DDX59: variants seen among roughly 807,000 people sequenced by gnomAD.
The protein encoded by DDX59 is DEAD-box helicase 59.
A neutral mutation model predicts 51.9 loss-of-function variants in DDX59; 30 were observed. The observed-to-expected ratio is 0.58, with a 90% confidence interval of 0.43 to 0.78. The LOEUF (loss-of-function observed/expected upper bound fraction) is 0.78. DDX59 is among the 30% of genes least tolerant of loss of function. The pLI, the probability that DDX59 is intolerant of heterozygous loss-of-function variation, is 0.00. For synonymous variants in DDX59, 255 were observed against 253.3 expected (o/e 1.01, Z -0.06); for missense variants, 672 against 730.8 (o/e 0.92, Z 0.93).
rs1662771622 is a variant in DDX59 at position 200,666,586 on chromosome 1, A to G, written c.155T>C (p.Ile52Thr). ...VDAVATEAATIDRHISESCPF... is the reference protein window; with the variant it reads ...VDAVATEAATTDRHISESCPF... Reference sequence around the variant, plus strand: ...GCATGATTCGCTGATGTGCCTGTCTATTGTGGCTGCTTCTGTAGCTACAGC... The same window carrying G: ...GCATGATTCGCTGATGTGCCTGTCTGTTGTGGCTGCTTCTGTAGCTACAGC... The change falls in exon 2 of 8, where the codon ATA becomes ACA. Residue 52 changes from isoleucine to threonine, a missense_variant. Physicochemically the swap from Ile to Thr is moderately conservative, Grantham distance 89. Transcript: ENST00000331314. The G allele has an allele frequency of 1.2e-6, 2 of 1,614,172 alleles. No homozygotes were observed. Among genetic ancestry groups the G allele is most frequent in the Non-Finnish European group, 1.7e-6 (2 of 1,180,032 alleles).
chr1:200,652,667 ATTTTTTT>A (rs10590500), intron 4 of DDX59, among the ~76,000 whole-genome samples: 2 of 117,136 alleles, frequency 1.7e-5, no homozygotes, highest in Admixed American at 8.7e-5. Context: ...CATAAAAAGC[ATTTTTTT>A]TTTTTTTTTT....
Position 200,644,108 on chromosome 1 carries a change from GAAAT to G in DDX59, c.*142_*145del. On this transcript the variant is annotated 3_prime_UTR_variant, in exon 8 of 8. Transcript: ENST00000331314. ...TGTTTTTAATTTATAAGAATTAAGG[GAAAT>G]AAATACAATATAGTTATATAAATTT... 3.1e-6 allele frequency: 2 copies of G among 645,140 alleles called. No individual in the cohort carries two copies. The highest frequency in any genetic ancestry group is 1.6e-4 in the South Asian group (2 of 12,900). The allele number at this position is 645,140 out of a possible 1,614,324, so 40.0% of individuals were successfully genotyped here.
intron 5 of DDX59, 102 bp downstream of exon 5, chr1:200,650,323 A>G (rs552386742): frequency 4.7e-6 from 6 of 1,274,604 alleles, no homozygotes; most frequent in South Asian, 3.4e-5. Flanking sequence ...GTAAATACCT[A>G]TATCAAATTC....
At chr1:200,645,669 C>CGT (rs1156866340) in intron 7 of DDX59, among the ~76,000 whole-genome samples, 1 of 152,158 alleles carries the variant, frequency 6.6e-6, no homozygotes, top group Non-Finnish European at 1.5e-5. Context: ...TACTAAGAAA[C>CGT]TCTTCAAAAG....
At chr1:200,659,185 G>C in intron 3 of DDX59, 69 bp from the exon 4 acceptor site, 1 of 1,229,468 alleles carries the variant, frequency 8.1e-7, no homozygotes, top group Non-Finnish European at 1.2e-6. Flanking sequence ...ATTCCATATT[G>C]ATTGAGCAAC....
At position 200,666,293 on chromosome 1, in the gene DDX59, T is replaced by G; in HGVS notation, c.448A>C (p.Asn150His). 1 of 1,614,248 alleles carries G rather than the reference T, an allele frequency of 6.2e-7. No homozygotes were observed. Among genetic ancestry groups the G allele is most frequent in the Non-Finnish European group, 8.5e-7 (1 of 1,180,048 alleles). ...GGCTCAGAATCAGCCTTCTGTGGAT[T>G]GCTGAGTTTTGATTTCTCTTCCTTT... is the stretch of plus-strand genomic sequence containing the variant. ...KEKEEKSKLS[N>H]PQKADSEPES... Residue 150 changes from asparagine to histidine, a missense_variant, in exon 2 of 8, where the codon AAT becomes CAT. Physicochemically the swap from Asn to His is moderately conservative, Grantham distance 68. Transcript: ENST00000331314.
intron 1 of DDX59, 49 bp from the exon 2 acceptor site, chr1:200,666,800 C>A: frequency 6.5e-7 from 1 of 1,539,162 alleles, no homozygotes; most frequent in Admixed American, 1.9e-5. Flanking sequence ...TAATAAAGTT[C>A]ACATATAAAG....
In DDX59 at chr1:200,650,409, C is replaced by G. The variant is rs778882910; in HGVS notation, c.1314+16G>C. ...AACACAATCCATAAAACATAGTTAA[C>G]TGCTTTACTACTCACATTTAAAATT... On this transcript the variant is annotated intron_variant, in intron 5 of 7. Transcript: ENST00000331314. 2 of 1,603,220 alleles carry G rather than the reference C, an allele frequency of 1.2e-6. No homozygotes were observed. The highest frequency in any genetic ancestry group is 1.7e-5 in the Admixed American group (1 of 59,158).
In DDX59 at chr1:200,644,202, A is replaced by T; in HGVS notation, c.*52T>A. 3 of 1,303,042 alleles carry T rather than the reference A, an allele frequency of 2.3e-6. No individual in the cohort carries two copies. Among genetic ancestry groups the T allele is most frequent in the East Asian group, 2.8e-5 (1 of 35,850 alleles). The allele number at this position is 1,303,042 out of a possible 1,614,324, so 80.7% of individuals were successfully genotyped here. On this transcript the variant is annotated 3_prime_UTR_variant, in exon 8 of 8. Transcript: ENST00000331314. ...TACATTTCCATTTATGCAAACCATA[A>T]TTTTTTGCTGACTATATACAATAAA... is the stretch of plus-strand genomic sequence containing the variant.
intron 1 of DDX59, among the ~76,000 whole-genome samples, chr1:200,667,611 A>G (rs1254157565): frequency 6.6e-6 from 1 of 152,206 alleles, no homozygotes; most frequent in African/African-American, 2.4e-5. Context: ...TATTATAGAA[A>G]TTCTGGGGTA....
At chr1:200,652,654 G>A (rs1283428576) in intron 4 of DDX59, among the ~76,000 whole-genome samples, 6 of 146,926 alleles carry the variant, frequency 4.1e-5, no homozygotes, top group East Asian at 2.0e-4. Flanking sequence ...ATGCAGAGTG[G>A]GCCATAAAAA....
At chr1:200,658,035 C>T (rs770472370) in intron 4 of DDX59, among the ~76,000 whole-genome samples, 4 of 152,198 alleles carry the variant, frequency 2.6e-5, no homozygotes, top group East Asian at 3.8e-4. Flanking sequence ...CTTGGTCTTG[C>T]GGGTACTGGC....
intron 3 of DDX59, among the ~76,000 whole-genome samples, chr1:200,661,075 C>A (rs181498654): frequency 6.6e-6 from 1 of 152,180 alleles, no homozygotes; most frequent in Admixed American, 6.5e-5. Flanking sequence ...GATTCCAGGG[C>A]TGGGGCAGGG....
chr1:200,650,594 A>G lies in DDX59; in HGVS notation c.1145T>C (p.Leu382Ser). Residue 382 changes from leucine (L) to serine (S), a missense_variant, in exon 5 of 8, where the codon TTG becomes TCG. Coordinates refer to ENST00000331314, the MANE Select transcript of DDX59 (RefSeq NM_001031725.6). ...GCTAGTTGGAATTGTGGCTGAAACC[A>G]AAATGGTCTGACAATCATTAGGAAT... is the stretch of plus-strand genomic sequence containing the variant. Reference protein sequence around the residue: ...ENIPNDCQTILVSATIPTSIE... With the variant: ...ENIPNDCQTISVSATIPTSIE... 1 of 1,614,050 alleles carries G rather than the reference A, an allele frequency of 6.2e-7. No homozygotes were observed. Among genetic ancestry groups the G allele is most frequent in the Middle Eastern group, 1.7e-4 (1 of 6,058 alleles).
rs568490479 is a variant in DDX59, at chr1:200,665,937, C to A, written c.804G>T (p.Glu268Asp). 2.5e-6 allele frequency: 4 copies of A among 1,597,206 alleles called. No homozygotes were observed. In the South Asian group the frequency reaches 4.5e-5, roughly 18 times the overall value. ...LLPVIMRALF[E>D]SKTPSALILT... is the part of the protein sequence containing the mutation. ...TGTGAACTCTATTATTAACACTTACCTCGAATAAAGCTCGCATGATAACAG... is the reference window on the plus strand; with the variant it reads ...TGTGAACTCTATTATTAACACTTACATCGAATAAAGCTCGCATGATAACAG... The change falls in exon 2 of 8, where the codon GAG becomes GAT. Residue 268 changes from glutamate (E) to aspartate (D), a missense_variant and splice_region_variant. Physicochemically the swap from Glu to Asp is conservative, Grantham distance 45 (BLOSUM62 2). Coordinates refer to ENST00000331314, the MANE Select transcript of DDX59 (RefSeq NM_001031725.6).
At chr1:200,652,141 T>G (rs1661708194) in intron 4 of DDX59, among the ~76,000 whole-genome samples, 1 of 152,192 alleles carries the variant, frequency 6.6e-6, no homozygotes, top group Non-Finnish European at 1.5e-5. Context: ...GATAATTCTT[T>G]TAAACTATTA....
chr1:200,668,935 C>T (rs960270408), intron 1 of DDX59, among the ~76,000 whole-genome samples: 10 of 152,186 alleles, frequency 6.6e-5, no homozygotes, highest in Admixed American at 6.5e-5. Context: ...CCTTTCTAAA[C>T]TAAACCAATG....
chr1:200,664,386 A>ACAGT (rs1491138558), intron 2 of DDX59, among the ~76,000 whole-genome samples: 2 of 152,184 alleles, frequency 1.3e-5, no homozygotes, highest in African/African-American at 2.4e-5. Flanking sequence ...CCTGTAATCT[A>ACAGT]CAGTCATCCT....
At chr1:200,648,645 TTATAA>T (rs1661453388) in intron 6 of DDX59, 78 bp from the exon 7 acceptor site, 36 of 1,451,552 alleles carry the variant, frequency 2.5e-5, no homozygotes, top group Non-Finnish European at 3.1e-5. Context: ...GCTTTTCTTT[TTATAA>T]TGCTTACTTC....
Sources: allele counts gnomAD v4.1 joint callset (sites outside exome capture counted in the v4.1 genomes callset), GRCh38; gene constraint gnomAD v4.1.1; transcripts MANE v1.5; gene names NCBI Gene and HGNC (gene_info 2026-07-23, HGNC 2026-07-21).